TTN: variants seen among roughly 807,000 people sequenced by gnomAD.
The protein encoded by TTN is connectin.
Under a neutral mutation model 3,223.0 loss-of-function variants are expected in TTN, and 1,525 were observed. That is an observed-to-expected ratio of 0.47 (90% CI 0.45 to 0.49). The LOEUF (loss-of-function observed/expected upper bound fraction) is 0.49, where lower values mean the gene tolerates loss of function less well. Ranked by LOEUF, TTN falls within the 20% of genes least tolerant of loss-of-function variation. The pLI is 0.00. For missense variants in TTN, 40,786 were observed against 43,424.0 expected (o/e 0.94, Z 5.40); for synonymous variants, 14,094 against 15,161.0 (o/e 0.93, Z 5.17).
intron 273 of TTN, 78 bp from the exon 274 acceptor site, chr2:178,608,986 T>G: frequency 6.6e-7 from 1 of 1,508,182 alleles, no homozygotes; most frequent in Non-Finnish European, 8.9e-7. Context: ...GTGAGCATGC[T>G]CCTCTGACAT....
chr2:178,766,670 T>G (rs2090492369), intron 40 of TTN, 58 bp from the exon 41 acceptor site: 9 of 1,351,910 alleles, frequency 6.7e-6, no homozygotes, highest in African/African-American at 1.4e-5. Flanking sequence ...AAGCTCTGGT[T>G]TCCTCCCAGT....
In TTN at chr2:178,532,786, C is replaced by T. The variant is rs550047610; in HGVS notation, c.103829G>A (p.Arg34610His). The change falls in exon 358 of 363, where the codon CGC (arginine) becomes CAC (histidine). Residue 34610 changes from arginine to histidine, a missense_variant. Transcript: ENST00000589042. ...WEQFYVMPLPRITDQYRPKWR... is the reference protein window; with the variant it reads ...WEQFYVMPLPHITDQYRPKWR... ...TTTAGGTCTGTATTGATCTGTAATG[C>T]GTGGAAGAGGCATCACATAGAACTG... 1.6e-5 allele frequency: 26 copies of T among 1,613,878 alleles called. No individual in the cohort carries two copies. In the South Asian group the frequency reaches 1.6e-4, roughly 10 times the overall value.
At chr2:178,800,093 A>G (rs539740032) in intron 4 of TTN, among the ~76,000 whole-genome samples, 183 bp from the exon 5 acceptor site, 15 of 152,382 alleles carry the variant, frequency 9.8e-5, no homozygotes, top group African/African-American at 3.6e-4. Flanking sequence ...GTTCATTACA[A>G]GATAAAAATT....
At chr2:178,642,791 T>C (rs1269979927) in intron 218 of TTN, among the ~76,000 whole-genome samples, 2 of 151,994 alleles carry the variant, frequency 1.3e-5, no homozygotes, top group Non-Finnish European at 2.9e-5. Context: ...ACTTTGATGC[T>C]GGGGAAGGGC....
In TTN at chr2:178,635,742, T is replaced by C. The variant is rs369902550; in HGVS notation, c.41609-27A>G. The C allele has an allele frequency of 1.2e-4, 188 of 1,573,230 alleles. 3 individuals carry two copies. In the South Asian group the frequency reaches 1.9e-3, roughly 16 times the overall value. On this transcript the variant is annotated intron_variant, in intron 226 of 362. Coordinates refer to ENST00000589042, the MANE Select transcript of TTN (RefSeq NM_001267550.2). ...TATATGAAAATAAGATCAGAAAAAA[T>C]GATTAAGGTCTGAACAAGTAATATA...
chr2:178,642,175 A>C (rs1294860744), intron 219 of TTN, 62 bp downstream of exon 219: 2 of 1,378,972 alleles, frequency 1.5e-6, no homozygotes, highest in East Asian at 2.6e-5. Context: ...ACATTTTGTA[A>C]GCTTTCAAGT....
chr2:178,800,861 A>G (rs2094025689), intron 3 of TTN, among the ~76,000 whole-genome samples, 179 bp from the exon 4 acceptor site: 1 of 152,230 alleles, frequency 6.6e-6, no homozygotes, highest in African/African-American at 2.4e-5. Flanking sequence ...CCAGGAGATT[A>G]CAGAAGGCTT....
chr2:178,788,056 T>G (rs1016177459), intron 13 of TTN, among the ~76,000 whole-genome samples: 3 of 152,128 alleles, frequency 2.0e-5, no homozygotes, highest in African/African-American at 7.2e-5. Context: ...CCATCTCTAT[T>G]GTTTTATTGA....
chr2:178,700,092 C>A (rs1264430882), intron 111 of TTN, among the ~76,000 whole-genome samples: 1 of 152,028 alleles, frequency 6.6e-6, no homozygotes, highest in Non-Finnish European at 1.5e-5. Flanking sequence ...TTGATACTAC[C>A]AGTCAAAGAA....
In TTN at chr2:178,529,186, G is replaced by T. The variant is rs1687881462; in HGVS notation, c.106565C>A (p.Thr35522Lys). 4.0e-6 allele frequency: 6 copies of T among 1,518,672 alleles called. No homozygotes were observed. The highest frequency in any genetic ancestry group is 1.3e-5 in the South Asian group (1 of 74,694). The allele number at this position is 1,518,672 out of a possible 1,614,324, so 94.1% of individuals were successfully genotyped here. The change falls in exon 360 of 363, where the codon ACA (threonine) becomes AAA (lysine). Residue 35522 changes from threonine (T) to lysine (K), a missense_variant. Thr to Lys is a moderately conservative substitution (Grantham distance 78). Transcript: ENST00000589042. ...IKDTEAQKVS[T>K]QKTSEITPQK... ...AGGTGTAATTTCAGAAGTCTTTTGT[G>T]TAGAGACTTTCTGTGCCTCAGTATC... is the stretch of plus-strand genomic sequence containing the variant.
Position 178,607,017 on chromosome 2 carries a change from T to C in TTN, c.53581+4A>G. Reference sequence around the variant, plus strand: ...TATAAACACAATGAAACCTTCTCTTTTACCTAGTGGATCAACTGCAAGAAT... The same window carrying C: ...TATAAACACAATGAAACCTTCTCTTCTACCTAGTGGATCAACTGCAAGAAT... On this transcript the variant is annotated splice_donor_region_variant and intron_variant, in intron 278 of 362. Transcript: ENST00000589042. 6.2e-7 allele frequency: 1 copy of C among 1,605,692 alleles called. No individual in the cohort carries two copies. Among genetic ancestry groups the C allele is most frequent in the Non-Finnish European group, 8.5e-7 (1 of 1,177,572 alleles).
At position 178,696,245 on chromosome 2, in the gene TTN, G is replaced by C. The variant is rs1393092515; in HGVS notation, c.30827C>G (p.Ser10276Cys). The change falls in exon 114 of 363, where the codon TCT becomes TGT. Residue 10276 changes from serine (S) to cysteine (C), a missense_variant. Transcript: ENST00000589042. ...CATTATTTTTACTTCTTCAGCTTTA[G>C]AGGATACATCAATGATTTCAGGAGC... is the stretch of plus-strand genomic sequence containing the variant. ...AKAPEIIDVS[S>C]KAEEVKIMTI... is the part of the protein sequence containing the mutation. The C allele has an allele frequency of 6.4e-7, 1 of 1,555,856 alleles. No homozygotes were observed. The highest frequency in any genetic ancestry group is 1.4e-5 in the African/African-American group (1 of 73,096).
At chr2:178,606,967 T>A in intron 278 of TTN, 54 bp downstream of exon 278, 2 of 1,562,130 alleles carry the variant, frequency 1.3e-6, no homozygotes, top group South Asian at 2.5e-5. Context: ...CAGTAAATAA[T>A]ATAACTAGAA....
intron 47 of TTN, chr2:178,745,912 T>G (rs374060243): frequency 4.5e-5 from 73 of 1,610,004 alleles, no homozygotes; most frequent in Admixed American, 1.2e-4. Flanking sequence ...AGTTGCTCTT[T>G]AAGACCAATT....
At chr2:178,793,649 AATTAGCTGGGTGTGGTGGCGCAC>A in intron 8 of TTN, 108 bp from the exon 9 acceptor site, 1 of 1,508,370 alleles carries the variant, frequency 6.6e-7, no homozygotes, top group Non-Finnish European at 9.0e-7. Context: ...AAAATACAAA[AATTAGCTGGGTGTGGTGGCGCAC>A]ACCTGTAATC....
intron 2 of TTN, 84 bp downstream of exon 2, chr2:178,804,468 T>G (rs1001187004): frequency 1.8e-5 from 24 of 1,357,594 alleles, no homozygotes; most frequent in South Asian, 4.8e-5. Flanking sequence ...GGGCTTAAAC[T>G]TGGCGTCAAG....
Position 178,632,989 on chromosome 2 carries a change from T to A in TTN, c.43142A>T (p.Gln14381Leu), listed in dbSNP as rs1433049624. The A allele has an allele frequency of 1.2e-6, 2 of 1,613,262 alleles. No homozygotes were observed. Among genetic ancestry groups the A allele is most frequent in the African/African-American group, 2.7e-5 (2 of 75,016 alleles). Residue 14381 changes from glutamine (Q) to leucine (L), a missense_variant, in exon 234 of 363, where the codon CAG (glutamine) becomes CTG (leucine). By Grantham distance (113) the Gln-to-Leu change is moderately radical. Transcript: ENST00000589042. ...KKHILILHNC[Q>L]LGMTGEVSFQ... is the part of the protein sequence containing the mutation. ...GGAAACCTCTCCTGTCATACCCAGC[T>A]GACAGTTATGAAGGATCAGAATATG...
chr2:178,774,284 T>A lies in TTN; in HGVS notation c.6980A>T (p.Asp2327Val). 1 of 1,614,154 alleles carries A rather than the reference T, an allele frequency of 6.2e-7. No homozygotes were observed. Among genetic ancestry groups the A allele is most frequent in the Non-Finnish European group, 8.5e-7 (1 of 1,179,996 alleles). The change falls in exon 30 of 363, where the codon GAT becomes GTT. Residue 2327 changes from aspartate (D) to valine (V), a missense_variant. Physicochemically the swap from Asp to Val is radical, Grantham distance 152. Transcript: ENST00000589042. ...TTCTCCCTGGTCCTCCTTGGTTACA[T>A]CCTTGACCGTGAGGTTCTGACGTCC... The part of the protein sequence containing the change: ...RRGRQNLTVK[D>V]VTKEDQGEYS...
In TTN at chr2:178,773,262, T is replaced by G. The variant is rs746270312; in HGVS notation, c.7702A>C (p.Lys2568Gln). The G allele has an allele frequency of 3.1e-6, 5 of 1,613,794 alleles. No individual in the cohort carries two copies. The highest frequency in any genetic ancestry group is 4.2e-6 in the Non-Finnish European group (5 of 1,179,956). ...GAACTGGGCTTGATTTCCTTGTCCT[T>G]AAAATTCCACAGGACATCAATTCCA... ...HSGIDVLWNF[K>Q]DKEIKPSSKY... is the part of the protein sequence containing the mutation. Residue 2568 changes from lysine (K) to glutamine (Q), a missense_variant, in exon 33 of 363, where the codon AAG becomes CAG. Physicochemically the swap from Lys to Gln is moderately conservative, Grantham distance 53. Transcript: ENST00000589042.
Sources: allele counts gnomAD v4.1 joint callset (sites outside exome capture counted in the v4.1 genomes callset), GRCh38; gene constraint gnomAD v4.1.1; transcripts MANE v1.5; gene names NCBI Gene and HGNC (gene_info 2026-07-23, HGNC 2026-07-21).